Variants in ELF1 observed in about 807,000 individuals in gnomAD.
ELF1 encodes the protein E74 like ETS transcription factor 1.
In ELF1, 24 loss-of-function variants were observed where a neutral mutation model predicts 59.9. That is an observed-to-expected ratio of 0.40 (90% CI 0.29 to 0.56). The LOEUF is 0.56. Ranked by LOEUF, ELF1 falls within the 20% of genes least tolerant of loss-of-function variation. The probability of loss-of-function intolerance (pLI) is 0.44; values close to 1 mark genes in which losing one functional copy is unlikely to be tolerated. For synonymous variants in ELF1, 248 were observed against 266.2 expected (o/e 0.93, Z 0.67); for missense variants, 627 against 742.2 (o/e 0.84, Z 1.80).
chr13:41,023,896 A>G (rs963895956), upstream of ELF1, among the ~76,000 whole-genome samples: 1 of 152,238 alleles, frequency 6.6e-6, no homozygotes, highest in Non-Finnish European at 1.5e-5. Flanking sequence ...AAAATGTAGC[A>G]TATCAGGATT....
upstream of ELF1, among the ~76,000 whole-genome samples, chr13:41,023,923 T>C (rs1476998198): frequency 6.6e-6 from 1 of 152,198 alleles, no homozygotes; most frequent in Non-Finnish European, 1.5e-5. Context: ...AACATTGAAA[T>C]ATCTTTAAAG....
At chr13:41,046,880 T>G (rs1354282571) in intron 1 of ELF1, among the ~76,000 whole-genome samples, 1 of 152,216 alleles carries the variant, frequency 6.6e-6, no homozygotes, top group Non-Finnish European at 1.5e-5. Context: ...TGAAGAGTGT[T>G]TTCCAACTTG....
At chr13:40,991,540 G>GT (rs1317932196) in intron 1 of ELF1, among the ~76,000 whole-genome samples, 2 of 152,098 alleles carry the variant, frequency 1.3e-5, no homozygotes, top group Admixed American at 6.5e-5. Flanking sequence ...GTCTCCCAAA[G>GT]TGCTGGGGTT....
At chr13:41,049,656 ACT>A (rs768231470) in intron 1 of ELF1, among the ~76,000 whole-genome samples, 2 of 150,916 alleles carry the variant, frequency 1.3e-5, no homozygotes, top group Non-Finnish European at 3.0e-5. Flanking sequence ...CCCTCAATCT[ACT>A]CTCTCTTCCC....
intron 5 of ELF1, among the ~76,000 whole-genome samples, chr13:40,947,373 C>T (rs1042713033): frequency 6.6e-6 from 1 of 152,244 alleles, no homozygotes; most frequent in Non-Finnish European, 1.5e-5. Context: ...GAAACCTCAT[C>T]TCTACTAAAA....
At chr13:41,053,854 T>C (rs1470575672) in intron 1 of ELF1, among the ~76,000 whole-genome samples, 1 of 152,114 alleles carries the variant, frequency 6.6e-6, no homozygotes, top group Non-Finnish European at 1.5e-5. Flanking sequence ...TAGCGTAATA[T>C]AAACCAAACT....
chr13:41,041,956 T>A (rs548098158), intron 1 of ELF1, among the ~76,000 whole-genome samples: 33 of 152,370 alleles, frequency 2.2e-4, no homozygotes, highest in South Asian at 8.3e-4. Context: ...ATTCAGTAGA[T>A]CCTGTTTAAG....
chr13:41,048,892 C>T (rs1023695389), intron 1 of ELF1, among the ~76,000 whole-genome samples: 3 of 152,118 alleles, frequency 2.0e-5, no homozygotes, highest in Non-Finnish European at 4.4e-5. Context: ...TTCTTCATCT[C>T]CCGCTCATTC....
chr13:40,939,456 A>C lies in ELF1; in HGVS notation c.1256+1465T>G, dbSNP rs116227625. The stretch of plus-strand genomic sequence containing the variant: ...TACAGATGCTAAAAAAATTCCATGG[A>C]ATCAGCTGTGGCCACTGTAGGTCTC... On this transcript the variant is annotated intron_variant, in intron 8 of 8. Coordinates refer to ENST00000239882, the MANE Select transcript of ELF1 (RefSeq NM_172373.4). 9.6e-3 allele frequency among the ~76,000 whole-genome samples: 1,460 copies of C among 152,292 alleles called. 28 individuals are homozygous for C. Among genetic ancestry groups the C allele is most frequent in the African/African-American group, 0.033 (1,386 of 41,550 alleles).
chr13:40,952,040 TG>T (rs1870889498), intron 3 of ELF1, among the ~76,000 whole-genome samples: 2 of 152,250 alleles, frequency 1.3e-5, no homozygotes, highest in African/African-American at 4.8e-5. Context: ...TGCAATTGAC[TG>T]ATACATTTCT....
chr13:40,937,157 A>G (rs1869838584), intron 8 of ELF1, among the ~76,000 whole-genome samples: 1 of 152,236 alleles, frequency 6.6e-6, no homozygotes. Context: ...TTAATGATTA[A>G]ACTGTCAGTT....
intron 1 of ELF1, among the ~76,000 whole-genome samples, chr13:41,058,290 C>CTT (rs1260890577): frequency 6.6e-6 from 1 of 152,196 alleles, no homozygotes; most frequent in Non-Finnish European, 1.5e-5. Flanking sequence ...CTCTGTGCTC[C>CTT]TGCCAAACCG....
chr13:40,943,217 G>A (rs1870295258), intron 6 of ELF1, 73 bp from the exon 7 acceptor site: 1 of 1,268,742 alleles, frequency 7.9e-7, no homozygotes, highest in African/African-American at 1.5e-5. Context: ...ACAACTAAAA[G>A]TCTTAGAAGT....
chr13:41,012,970 T>G (rs1023263229), intron 1 of ELF1, among the ~76,000 whole-genome samples: 1 of 152,220 alleles, frequency 6.6e-6, no homozygotes, highest in African/African-American at 2.4e-5. Context: ...CATGTATTTA[T>G]TAAAATTTAT....
At chr13:41,055,136 G>A (rs1877237692) in intron 1 of ELF1, among the ~76,000 whole-genome samples, 2 of 152,160 alleles carry the variant, frequency 1.3e-5, no homozygotes, top group South Asian at 4.1e-4. Context: ...CTGTGAGCGG[G>A]AGGAGGATAT....
intron 2 of ELF1, among the ~76,000 whole-genome samples, chr13:40,959,791 A>C (rs773721230): frequency 9.9e-5 from 15 of 152,206 alleles, no homozygotes; most frequent in Non-Finnish European, 1.9e-4. Flanking sequence ...ATAATATCAC[A>C]GAATTTTAGA....
At chr13:41,055,528 G>A (rs1877251989) in intron 1 of ELF1, among the ~76,000 whole-genome samples, 2 of 151,194 alleles carry the variant, frequency 1.3e-5, no homozygotes, top group African/African-American at 4.9e-5. Flanking sequence ...TATGACCCCT[G>A]GCTTAGTCCC....
At chr13:41,054,828 G>T (rs1164507135) in intron 1 of ELF1, among the ~76,000 whole-genome samples, 1 of 152,172 alleles carries the variant, frequency 6.6e-6, no homozygotes, top group Non-Finnish European at 1.5e-5. Context: ...AGTTCAACCT[G>T]CACGTTACTA....
Position 40,933,269 on chromosome 13 carries a change from G to T in ELF1, c.*156C>A. On this transcript the variant is annotated 3_prime_UTR_variant, in exon 9 of 9. Transcript: ENST00000239882. ...TTAGATAACAAAGAGAAACAGTTGA[G>T]TTTTCCTCCCTCATCTAACAAAGTC... 1.1e-6 allele frequency: 1 copy of T among 943,160 alleles called. No individual in the cohort carries two copies. Among genetic ancestry groups the T allele is most frequent in the Non-Finnish European group, 1.5e-6 (1 of 659,966 alleles). 58.4% of individuals were successfully genotyped at this position (943,160 alleles called of 1,614,324 possible).
Sources: allele counts gnomAD v4.1 joint callset (sites outside exome capture counted in the v4.1 genomes callset), GRCh38; gene constraint gnomAD v4.1.1; transcripts MANE v1.5; gene names NCBI Gene and HGNC (gene_info 2026-07-23, HGNC 2026-07-21).